The following FMN1 variants were observed in gnomAD, a reference collection of about 807,000 sequenced individuals.
FMN1 encodes formin 1, also known as formin-1.
In FMN1, 110 loss-of-function variants were observed where a neutral mutation model predicts 132.4. The observed-to-expected ratio is 0.83, with a 90% CI of 0.71 to 0.97. The LOEUF is 0.97. Ranked by LOEUF, FMN1 falls within the 50% of genes least tolerant of loss-of-function variation. The pLI is 0.00. For missense variants in FMN1, 1,792 were observed against 1,705.3 expected, an observed-to-expected ratio of 1.05 and a Z score of -0.90; for synonymous variants, 722 against 651.7, an observed-to-expected ratio of 1.11 and a Z score of -1.64.
chr15:32,865,280 T>C (rs933011795), intron 16 of FMN1, among the ~76,000 whole-genome samples: 1 of 152,240 alleles, frequency 6.6e-6, no homozygotes, highest in Non-Finnish European at 1.5e-5. Flanking sequence ...TGATTTCATC[T>C]TAATAAAGCT....
chr15:33,087,500 C>G (rs542118989), intron 5 of FMN1, among the ~76,000 whole-genome samples: 10 of 152,194 alleles, frequency 6.6e-5, no homozygotes, highest in African/African-American at 2.4e-4. Context: ...GAGCCAAGAT[C>G]GTGCCACTGC....
At chr15:32,934,342 G>A (rs993343200) in intron 9 of FMN1, among the ~76,000 whole-genome samples, 3 of 151,946 alleles carry the variant, frequency 2.0e-5, no homozygotes, top group African/African-American at 7.2e-5. Context: ...ATATCTGGCA[G>A]ACATAAATTC....
chr15:32,827,498 A>G (rs553999922), intron 17 of FMN1, among the ~76,000 whole-genome samples: 2 of 152,290 alleles, frequency 1.3e-5, no homozygotes, highest in South Asian at 4.1e-4. Context: ...CTTTCTAACA[A>G]AAGAGTTATA....
At chr15:32,956,941 T>C (rs780136311) in intron 9 of FMN1, among the ~76,000 whole-genome samples, 13 of 152,184 alleles carry the variant, frequency 8.5e-5, no homozygotes, top group Non-Finnish European at 1.5e-4. Flanking sequence ...ATTACAGCTA[T>C]GATCCTTGCC....
chr15:32,986,144 A>G (rs1243441846), intron 7 of FMN1, among the ~76,000 whole-genome samples: 1 of 152,134 alleles, frequency 6.6e-6, no homozygotes, highest in African/African-American at 2.4e-5. Context: ...ACAGGCAATT[A>G]AGCTTACCAA....
At chr15:32,963,847 T>C (rs1442263546) in intron 9 of FMN1, among the ~76,000 whole-genome samples, 1 of 151,972 alleles carries the variant, frequency 6.6e-6, no homozygotes, top group Non-Finnish European at 1.5e-5. Context: ...CCCTTTGCCA[T>C]CTGCCACTCA....
intron 7 of FMN1, among the ~76,000 whole-genome samples, chr15:33,004,048 A>G (rs922195162): frequency 1.6e-4 from 24 of 152,128 alleles, no homozygotes; most frequent in African/African-American, 5.6e-4. Flanking sequence ...TTAATTCAAA[A>G]TGGATTAAAG....
Position 32,812,015 on chromosome 15 carries a change from TAAACAAACAAACAAACAAAC to T in FMN1, c.3929-7703_3929-7684del, listed in dbSNP as rs71424675. 2.2e-4 allele frequency among the ~76,000 whole-genome samples: 33 copies of T among 150,480 alleles called. No homozygotes were observed. In the East Asian group the frequency reaches 3.6e-3, roughly 16 times the overall value. ...GTGAATTGGAGTATTTTATGGACAC[TAAACAAACAAACAAACAAAC>T]AAACAAACAAACAAAACCACGAAAT... On this transcript the variant is annotated intron_variant, in intron 17 of 20. Transcript: ENST00000616417.
rs8023702 is a variant in FMN1, at chr15:32,827,309, T to C, written c.3929-22977A>G. Reference sequence around the variant, plus strand: ...CTCGGCAGCATTATCTTGAGCAGAGTTTGTGGCGGTAAGGCCCAGCTAATC... The same window carrying C: ...CTCGGCAGCATTATCTTGAGCAGAGCTTGTGGCGGTAAGGCCCAGCTAATC... On this transcript the variant is annotated intron_variant, in intron 17 of 20. Transcript: ENST00000616417. 2.2e-3 allele frequency among the ~76,000 whole-genome samples: 331 copies of C among 152,228 alleles called. 1 individual carries two copies. Among genetic ancestry groups the C allele is most frequent in the African/African-American group, 7.6e-3 (317 of 41,550 alleles).
intron 15 of FMN1, among the ~76,000 whole-genome samples, chr15:32,897,184 G>C (rs182059044): frequency 6.6e-6 from 1 of 152,306 alleles, no homozygotes; most frequent in East Asian, 1.9e-4. Flanking sequence ...TGGATGATTA[G>C]TGATGTTGGC....
chr15:33,155,737 A>G (rs1964646532), intron 3 of FMN1, among the ~76,000 whole-genome samples: 2 of 152,118 alleles, frequency 1.3e-5, no homozygotes, highest in East Asian at 3.8e-4. Flanking sequence ...AAATGGAATG[A>G]CAGAGGAACA....
intron 17 of FMN1, among the ~76,000 whole-genome samples, chr15:32,817,342 A>C (rs901363802): frequency 5.9e-5 from 9 of 152,250 alleles, no homozygotes; most frequent in Non-Finnish European, 1.3e-4. Context: ...AGAACCCGAC[A>C]AAAGTCTAAT....
At chr15:33,132,761 G>C (rs909597086) in intron 4 of FMN1, among the ~76,000 whole-genome samples, 3 of 152,074 alleles carry the variant, frequency 2.0e-5, no homozygotes, top group Non-Finnish European at 4.4e-5. Context: ...ATTTCAGACA[G>C]CACAGCCACT....
intron 9 of FMN1, among the ~76,000 whole-genome samples, chr15:32,931,468 ATTG>A (rs1271799981): frequency 6.6e-6 from 1 of 152,108 alleles, no homozygotes; most frequent in African/African-American, 2.4e-5. Flanking sequence ...TTTAAATGAA[ATTG>A]TTTTCTTAAT....
At chr15:33,032,674 G>C (rs988713257) in intron 6 of FMN1, among the ~76,000 whole-genome samples, 2 of 152,062 alleles carry the variant, frequency 1.3e-5, no homozygotes, top group African/African-American at 2.4e-5. Flanking sequence ...CATAACCCTC[G>C]GTTCCAATCA....
intron 15 of FMN1, among the ~76,000 whole-genome samples, chr15:32,893,740 A>T (rs1249257980): frequency 6.6e-6 from 1 of 152,252 alleles, no homozygotes; most frequent in Non-Finnish European, 1.5e-5. Flanking sequence ...TATTTTTCCT[A>T]GACTGGGCCA....
At chr15:33,175,746 C>T (rs1485238940) in intron 3 of FMN1, among the ~76,000 whole-genome samples, 1 of 152,172 alleles carries the variant, frequency 6.6e-6, no homozygotes. Flanking sequence ...CCCACACACA[C>T]ACTTAGAAGA....
At chr15:32,878,393 A>G (rs116433480) in intron 16 of FMN1, among the ~76,000 whole-genome samples, 1 of 152,166 alleles carries the variant, frequency 6.6e-6, no homozygotes, top group Non-Finnish European at 1.5e-5. Context: ...GCAGGTGGAG[A>G]CAAAGGAAGA....
chr15:33,128,616 T>C (rs1963357214), intron 4 of FMN1, among the ~76,000 whole-genome samples: 1 of 152,208 alleles, frequency 6.6e-6, no homozygotes, highest in African/African-American at 2.4e-5. Context: ...CGCGGACCTT[T>C]GCGGCAAGTG....
Sources: gnomAD v4.1 joint callset for allele counts (sites outside exome capture counted in the v4.1 genomes callset) on GRCh38, gnomAD v4.1.1 for gene constraint, MANE v1.5 for transcripts, NCBI Gene and HGNC (gene_info 2026-07-23, HGNC 2026-07-21) for gene names.